The following THADA variants were observed in gnomAD, a reference collection of about 807,000 sequenced individuals.
THADA encodes tRNA (32-2'-O)-methyltransferase regulator THADA.
A neutral mutation model predicts 219.8 loss-of-function variants in THADA; 213 were observed. The observed-to-expected ratio is 0.97, with a 90% CI of 0.87 to 1.09. The LOEUF is 1.09. Among genes scored for constraint, THADA ranks in the 50% least tolerant of loss-of-function variants. The pLI is 0.00. For synonymous variants in THADA, 1,018 were observed against 828.9 expected (o/e 1.23, Z -3.92); for missense variants, 2,956 against 2,311.3 (o/e 1.28, Z -5.72).
chr2:43,334,011 A>G (rs1666096909), intron 30 of THADA, among the ~76,000 whole-genome samples: 1 of 152,202 alleles, frequency 6.6e-6, no homozygotes, highest in South Asian at 2.1e-4. Context: ...GTAAAGCAAA[A>G]TAGAATCCTA....
chr2:43,403,503 C>G (rs1675129902), intron 28 of THADA, among the ~76,000 whole-genome samples: 1 of 152,248 alleles, frequency 6.6e-6, no homozygotes, highest in South Asian at 2.1e-4. Flanking sequence ...CTCAGTAGCA[C>G]TGGGCGAGTC....
At chr2:43,363,974 G>A (rs1391899105) in intron 29 of THADA, among the ~76,000 whole-genome samples, 1 of 152,072 alleles carries the variant, frequency 6.6e-6, no homozygotes, top group Non-Finnish European at 1.5e-5. Context: ...GTAATCCCAG[G>A]ACTTTGGGAG....
intron 31 of THADA, among the ~76,000 whole-genome samples, chr2:43,306,920 T>C (rs939753918): frequency 1.3e-5 from 2 of 152,196 alleles, no homozygotes; most frequent in Admixed American, 1.3e-4. Flanking sequence ...CTTTTTCTTG[T>C]AATGTGACTA....
chr2:43,259,767 T>C (rs79131257), intron 36 of THADA, among the ~76,000 whole-genome samples: 4,589 of 152,312 alleles, frequency 0.03, 245 homozygotes, highest in African/African-American at 0.1. Context: ...TTTCCTGTTA[T>C]AAACACTGTT....
chr2:43,264,232 T>C (rs1671272329), intron 36 of THADA, among the ~76,000 whole-genome samples: 1 of 152,060 alleles, frequency 6.6e-6, no homozygotes, highest in Non-Finnish European at 1.5e-5. Flanking sequence ...AACTTTTCCC[T>C]GCCCCTACAT....
In THADA at chr2:43,431,698, T is replaced by C. The variant is rs1314108201; in HGVS notation, c.3837-1396A>G. ...TTTTTTTTTTGAGACGGAGTCTCGC[T>C]CTGTCGCCCAGGCTGGAATGCAGTG... On this transcript the variant is annotated intron_variant, in intron 26 of 37. Coordinates refer to ENST00000405975, the MANE Select transcript of THADA (RefSeq NM_022065.5). Among the ~76,000 whole-genome samples, 42 of 52,212 alleles carry C rather than the reference T, an allele frequency of 8.0e-4. 1 individual carries two copies. Among genetic ancestry groups the C allele is most frequent in the African/African-American group, 2.8e-3 (25 of 9,006 alleles). The allele number at this position is 52,212 out of a possible 152,430, so 34.3% of individuals were successfully genotyped here.
intron 21 of THADA, among the ~76,000 whole-genome samples, chr2:43,537,113 A>T (rs1472558094): frequency 2.6e-5 from 4 of 152,342 alleles, no homozygotes; most frequent in East Asian, 3.9e-4. Flanking sequence ...TCCTACAGTG[A>T]TTTGTTACTA....
At chr2:43,305,696 A>T (rs374553122) in intron 31 of THADA, among the ~76,000 whole-genome samples, 2 of 152,118 alleles carry the variant, frequency 1.3e-5, no homozygotes, top group East Asian at 3.9e-4. Flanking sequence ...AGCTCAAAGG[A>T]TCTGGGTAGG....
rs942398015 is a variant in THADA at position 43,292,830 on chromosome 2, T to C, written c.4818+4A>G. ...AGGGCCAGTCAGTACGTTGGAGACTTTACCTTGCAGAAGCATTCTGGGTGA... is the reference window on the plus strand; with the variant it reads ...AGGGCCAGTCAGTACGTTGGAGACTCTACCTTGCAGAAGCATTCTGGGTGA... On this transcript the variant is annotated splice_donor_region_variant and intron_variant, in intron 32 of 37. Coordinates refer to ENST00000405975, the MANE Select transcript of THADA (RefSeq NM_022065.5). 2 of 1,610,340 alleles carry C rather than the reference T, an allele frequency of 1.2e-6. No individual in the cohort carries two copies. Among genetic ancestry groups the C allele is most frequent in the Non-Finnish European group, 1.7e-6 (2 of 1,179,580 alleles).
At chr2:43,481,934 T>C (rs1686282177) in intron 26 of THADA, among the ~76,000 whole-genome samples, 1 of 152,186 alleles carries the variant, frequency 6.6e-6, no homozygotes, top group Non-Finnish European at 1.5e-5. Flanking sequence ...CAGCTGAAAG[T>C]TAATACACAC....
At chr2:43,481,154 T>G (rs932715629) in intron 26 of THADA, among the ~76,000 whole-genome samples, 4 of 152,220 alleles carry the variant, frequency 2.6e-5, no homozygotes, top group Non-Finnish European at 2.9e-5. Context: ...AGCACGATGC[T>G]GGACTGGATT....
intron 26 of THADA, among the ~76,000 whole-genome samples, chr2:43,434,353 C>A (rs773235097): frequency 6.6e-6 from 1 of 152,172 alleles, no homozygotes; most frequent in Non-Finnish European, 1.5e-5. Flanking sequence ...TGGTTCCTGG[C>A]GAAGGAGGCT....
In THADA at chr2:43,232,751, T is replaced by A. The variant is rs1042515153; in HGVS notation, c.5428A>T (p.Ser1810Cys). 1.1e-5 allele frequency: 17 copies of A among 1,613,648 alleles called. No individual in the cohort carries two copies. Among genetic ancestry groups the A allele is most frequent in the Non-Finnish European group, 1.4e-5 (17 of 1,179,848 alleles). The stretch of plus-strand genomic sequence containing the variant: ...TCCACACAGGCCACGAGGTCATCAC[T>A]CTCTCCCAACAGCCATCCCAGCAGG... ...PILLGWLLGE[S>C]DDLVACVESM... The change falls in exon 37 of 38, where the codon AGT becomes TGT. Residue 1810 changes from serine (S) to cysteine (C), a missense_variant. By Grantham distance (112) the Ser-to-Cys change is moderately radical. Coordinates refer to ENST00000405975, the MANE Select transcript of THADA (RefSeq NM_022065.5).
chr2:43,372,696 C>T (rs985389569), intron 29 of THADA, among the ~76,000 whole-genome samples: 1 of 152,178 alleles, frequency 6.6e-6, no homozygotes, highest in Non-Finnish European at 1.5e-5. Context: ...ATATAAACTG[C>T]ATTTCAAAGT....
At chr2:43,449,249 AG>A (rs1681996207) in intron 26 of THADA, among the ~76,000 whole-genome samples, 1 of 152,162 alleles carries the variant, frequency 6.6e-6, no homozygotes, top group South Asian at 2.1e-4. Context: ...ATGAACCTGA[AG>A]ATAAGACAAG....
At chr2:43,382,292 G>C (rs921090601) in intron 29 of THADA, among the ~76,000 whole-genome samples, 1 of 152,154 alleles carries the variant, frequency 6.6e-6, no homozygotes, top group African/African-American at 2.4e-5. Context: ...GCATACTAAC[G>C]TAAGATAGTA....
chr2:43,523,662 G>T (rs1221837726), intron 22 of THADA, among the ~76,000 whole-genome samples: 2 of 152,118 alleles, frequency 1.3e-5, no homozygotes, highest in African/African-American at 2.4e-5. Context: ...CAGAATTGTT[G>T]ATGTCTATGA....
In THADA at chr2:43,549,201, A is replaced by T; in HGVS notation, c.3106+9T>A. Reference sequence around the variant, plus strand: ...ACATGAATTACAGTATCCATTTTATACAAGTTACCTTTGATTTCTGTAGAA... The same window carrying T: ...ACATGAATTACAGTATCCATTTTATTCAAGTTACCTTTGATTTCTGTAGAA... On this transcript the variant is annotated intron_variant, in intron 20 of 37. Transcript: ENST00000405975. 2 of 1,552,492 alleles carry T rather than the reference A, an allele frequency of 1.3e-6. No individual in the cohort carries two copies. The highest frequency in any genetic ancestry group is 1.7e-6 in the Non-Finnish European group (2 of 1,151,020).
chr2:43,481,508 C>T (rs1686221247), intron 26 of THADA, among the ~76,000 whole-genome samples: 1 of 152,148 alleles, frequency 6.6e-6, no homozygotes, highest in African/African-American at 2.4e-5. Flanking sequence ...TTCCCAATGC[C>T]TTGTAAAAAA....
Sources: gnomAD v4.1 joint callset for allele counts (sites outside exome capture counted in the v4.1 genomes callset) on GRCh38, gnomAD v4.1.1 for gene constraint, MANE v1.5 for transcripts, NCBI Gene and HGNC (gene_info 2026-07-23, HGNC 2026-07-21) for gene names.